Variants in EDNRA observed in about 807,000 individuals in gnomAD.
The protein encoded by EDNRA is endothelin receptor type A, also known as endothelin-1 receptor.
A neutral mutation model predicts 41.4 loss-of-function variants in EDNRA; 11 were observed. The ratio of observed to expected loss-of-function variants is 0.27; its 90% CI spans 0.17 to 0.44. EDNRA has a LOEUF of 0.44. Among genes scored for constraint, EDNRA ranks in the 20% least tolerant of loss-of-function variants. The probability of loss-of-function intolerance (pLI) is 1.00; values close to 1 mark genes in which losing one functional copy is unlikely to be tolerated. For synonymous variants in EDNRA, 172 were observed against 183.0 expected, an observed-to-expected ratio of 0.94 and a Z score of 0.49; for missense variants, 294 against 531.0, an observed-to-expected ratio of 0.55 and a Z score of 4.39.
At chr4:147,497,115 G>T (rs907040676) in intron 2 of EDNRA, among the ~76,000 whole-genome samples, 1 of 148,690 alleles carries the variant, frequency 6.7e-6, no homozygotes, top group Non-Finnish European at 1.5e-5. Flanking sequence ...ACTAGGTTAA[G>T]GTACAGAATT....
chr4:147,534,845 T>C (rs1480859367), intron 4 of EDNRA, among the ~76,000 whole-genome samples: 3 of 152,230 alleles, frequency 2.0e-5, no homozygotes, highest in Admixed American at 6.5e-5. Flanking sequence ...TTTACCAGAC[T>C]TCCAAAAGGG....
chr4:147,523,293 C>T (rs961831406), intron 3 of EDNRA, among the ~76,000 whole-genome samples: 1 of 152,194 alleles, frequency 6.6e-6, no homozygotes, highest in Admixed American at 6.5e-5. Context: ...ATTTTCTCCA[C>T]AAGAGATGCC....
At chr4:147,500,115 TTAAAGA>T (rs1729462070) in intron 2 of EDNRA, among the ~76,000 whole-genome samples, 1 of 152,164 alleles carries the variant, frequency 6.6e-6, no homozygotes, top group Non-Finnish European at 1.5e-5. Flanking sequence ...TCTAAAAGTC[TTAAAGA>T]TAAAGCTTTA....
intron 5 of EDNRA, among the ~76,000 whole-genome samples, chr4:147,539,508 A>G (rs1253797198): frequency 6.6e-6 from 1 of 151,850 alleles, no homozygotes; most frequent in Non-Finnish European, 1.5e-5. Context: ...ACAGCTGCAG[A>G]CTCAGCTGGC....
chr4:147,532,467 A>C (rs201455709), intron 3 of EDNRA, 39 bp from the exon 4 acceptor site: 86 of 1,595,500 alleles, frequency 5.4e-5, no homozygotes, highest in Non-Finnish European at 7.1e-5. Context: ...ATACATTTAA[A>C]ATTTCCTAAC....
chr4:147,540,054 T>C, intron 6 of EDNRA, 104 bp downstream of exon 6: 1 of 1,456,062 alleles, frequency 6.9e-7, no homozygotes, highest in Non-Finnish European at 9.2e-7. Flanking sequence ...GCCCTGAAAA[T>C]TAAAACTGCA....
Position 147,519,117 on chromosome 4 carries a change from C to T in EDNRA, c.421-734C>T, listed in dbSNP as rs80266344. 2.9e-3 allele frequency among the ~76,000 whole-genome samples: 439 copies of T among 152,290 alleles called. 4 individuals are homozygous for T. The highest frequency in any genetic ancestry group is 5.3e-3 in the Non-Finnish European group (362 of 68,018). On this transcript the variant is annotated intron_variant, in intron 2 of 7. Transcript: ENST00000651419. The surrounding 1 kb of genome is among the most constrained non-coding windows in gnomAD (Gnocchi z 4.1). ...TGATACCAACAGATCAAGGTAACCA[C>T]ATTTTTCTGTATAGTAAGGGGAAGT...
chr4:147,491,942 T>C (rs568646928), intron 2 of EDNRA: 1 of 152,372 alleles, frequency 6.6e-6, no homozygotes, highest in Non-Finnish European at 1.5e-5. Flanking sequence ...CACCTCTCTT[T>C]CCATGCTTTT....
intron 3 of EDNRA, among the ~76,000 whole-genome samples, chr4:147,531,903 G>C (rs1009462151): frequency 1.5e-4 from 22 of 151,450 alleles, no homozygotes; most frequent in Admixed American, 7.2e-4. Context: ...CCAGCTACTC[G>C]GGAGGCTGAG....
chr4:147,495,740 T>A (rs1006041687), intron 2 of EDNRA: 1 of 152,204 alleles, frequency 6.6e-6, no homozygotes, highest in African/African-American at 2.4e-5. Flanking sequence ...AGAATGAATG[T>A]CTATGGCTAG....
At chr4:147,512,663 C>A (rs1729967842) in intron 2 of EDNRA, among the ~76,000 whole-genome samples, 1 of 152,226 alleles carries the variant, frequency 6.6e-6, no homozygotes, top group Non-Finnish European at 1.5e-5. Flanking sequence ...TCTTTATCTG[C>A]AGTTTTCCAT....
intron 2 of EDNRA, among the ~76,000 whole-genome samples, chr4:147,512,800 G>C (rs992800583): frequency 6.6e-6 from 1 of 152,154 alleles, no homozygotes; most frequent in Admixed American, 6.5e-5. Flanking sequence ...AGAGCTTCTT[G>C]AGAAGCTGTT....
chr4:147,526,345 G>A (rs1250962002), intron 3 of EDNRA, among the ~76,000 whole-genome samples: 1 of 152,180 alleles, frequency 6.6e-6, no homozygotes, highest in Non-Finnish European at 1.5e-5. Flanking sequence ...CACGTCACCT[G>A]GGGTTGGTGG....
intron 2 of EDNRA, chr4:147,491,856 C>G (rs533121187): frequency 1.3e-5 from 2 of 152,352 alleles, no homozygotes; most frequent in South Asian, 2.1e-4. Context: ...ACCAAGATCT[C>G]TATTCCTCAC....
Position 147,517,561 on chromosome 4 carries a change from AG to A in EDNRA, c.421-2287del. 2.6e-5 allele frequency among the ~76,000 whole-genome samples: 4 copies of A among 152,354 alleles called. No homozygotes were observed. In the East Asian group the frequency reaches 7.7e-4, roughly 29 times the overall value. Reference sequence around the variant, plus strand: ...TTTCAGAATGAAGGACATACAAGTTAGGGAAGTCTACACAGTGATTACACCT... The same window carrying A: ...TTTCAGAATGAAGGACATACAAGTTAGGAAGTCTACACAGTGATTACACCT... On this transcript the variant is annotated intron_variant, in intron 2 of 7. Coordinates refer to ENST00000651419, the MANE Select transcript of EDNRA (RefSeq NM_001957.4).
intron 2 of EDNRA, among the ~76,000 whole-genome samples, chr4:147,499,474 A>G (rs1440204418): frequency 2.0e-5 from 3 of 152,214 alleles, no homozygotes; most frequent in Non-Finnish European, 4.4e-5. Context: ...AATCAGTTAC[A>G]ACAACCAAGA....
chr4:147,525,874 G>T (rs748053129), intron 3 of EDNRA, among the ~76,000 whole-genome samples: 1 of 152,238 alleles, frequency 6.6e-6, no homozygotes, highest in Admixed American at 6.5e-5. Context: ...GCTGATGTCA[G>T]TTCTTGAACC....
intron 2 of EDNRA, among the ~76,000 whole-genome samples, chr4:147,515,252 A>G (rs1307844583): frequency 5.3e-5 from 8 of 152,160 alleles, no homozygotes; most frequent in East Asian, 3.8e-4. Context: ...TGTCCTGTAC[A>G]TTGCAAAATG....
chr4:147,522,808 G>A (rs1339219762), intron 3 of EDNRA, among the ~76,000 whole-genome samples: 1 of 152,198 alleles, frequency 6.6e-6, no homozygotes, highest in Non-Finnish European at 1.5e-5. Context: ...ACCATGACCC[G>A]TGACACAGCC....
Sources: allele counts gnomAD v4.1 joint callset (sites outside exome capture counted in the v4.1 genomes callset), GRCh38; gene constraint gnomAD v4.1.1; non-coding constraint Gnocchi (gnomAD v3.1); transcripts MANE v1.5; gene names NCBI Gene and HGNC (gene_info 2026-07-23, HGNC 2026-07-21).